The following PHF20 variants were observed in gnomAD, a reference collection of about 807,000 sequenced individuals.
The protein encoded by PHF20 is PHD finger protein 20.
PHF20 carries 23 observed loss-of-function variants against 113.5 expected under a neutral mutation model. The ratio of observed to expected loss-of-function variants is 0.20; its 90% CI spans 0.15 to 0.29. The LOEUF is 0.29. PHF20 is among the 10% of genes least tolerant of loss of function. The pLI is 1.00. For missense variants in PHF20, 943 were observed against 1,219.6 expected (o/e 0.77, Z 3.38); for synonymous variants, 434 against 457.3 (o/e 0.95, Z 0.65).
intron 2 of PHF20, among the ~76,000 whole-genome samples, chr20:35,804,178 A>C (rs1233947617): frequency 2.0e-5 from 3 of 149,466 alleles, no homozygotes; most frequent in Non-Finnish European, 4.4e-5. Context: ...GGGTTCAAGC[A>C]GTTCAGCCTC....
intron 6 of PHF20, among the ~76,000 whole-genome samples, chr20:35,868,821 T>C (rs1358025206): frequency 1.3e-5 from 2 of 152,182 alleles, no homozygotes; most frequent in South Asian, 2.1e-4. Flanking sequence ...CTGGGTCTCA[T>C]GGCTCATGCT....
rs748941374 is a variant in PHF20, at chr20:35,938,821, T to A, written c.2425T>A (p.Tyr809Asn). 3 of 1,614,050 alleles carry A rather than the reference T, an allele frequency of 1.9e-6. No homozygotes were observed. In the East Asian group the frequency reaches 6.7e-5, roughly 36 times the overall value. The part of the protein sequence containing the change: ...DTRSKEEAPS[Y>N]RTLNGAVEKP... Reference sequence around the variant, plus strand: ...CAGGAGCAAGGAGGAAGCTCCAAGCTATAGAACTTTGAACGGGGCAGTGGA... The same window carrying A: ...CAGGAGCAAGGAGGAAGCTCCAAGCAATAGAACTTTGAACGGGGCAGTGGA... The change falls in exon 16 of 18, where the codon TAT becomes AAT. Residue 809 changes from tyrosine to asparagine, a missense_variant. Around this residue, in one of 3 missense-constraint regions of PHF20, gnomAD observed 349 missense variants for 412.3 expected, o/e 0.85. Transcript: ENST00000374012.
intron 4 of PHF20, chr20:35,850,796 A>G: frequency 5.1e-6 from 4 of 791,844 alleles, no homozygotes; most frequent in South Asian, 1.4e-5. Flanking sequence ...TAGCTAATAC[A>G]GTATTACCAT....
intron 1 of PHF20, among the ~76,000 whole-genome samples, chr20:35,791,561 A>G (rs565793665): frequency 1.4e-5 from 2 of 144,454 alleles, no homozygotes; most frequent in Non-Finnish European, 3.0e-5. Flanking sequence ...ATATATATAT[A>G]TCTTAGAATT....
chr20:35,915,338 T>A (rs114891132), intron 12 of PHF20, among the ~76,000 whole-genome samples: 1,684 of 150,546 alleles, frequency 0.011, 23 homozygotes, highest in African/African-American at 0.038. Flanking sequence ...ATATATATAA[T>A]TTATATTTTA....
chr20:35,874,430 CTTCA>C (rs2054481178), intron 9 of PHF20, among the ~76,000 whole-genome samples: 1 of 152,030 alleles, frequency 6.6e-6, no homozygotes, highest in Admixed American at 6.6e-5. Context: ...GAAGAATTTC[CTTCA>C]GATTTTCTTA....
At chr20:35,901,600 A>G (rs752939913) in intron 10 of PHF20, among the ~76,000 whole-genome samples, 46 of 152,134 alleles carry the variant, frequency 3.0e-4, no homozygotes, top group South Asian at 8.3e-4. Context: ...CTCCAAATTA[A>G]TCTCCTTTTC....
chr20:35,947,151 C>T (rs914555175), intron 17 of PHF20, among the ~76,000 whole-genome samples: 1 of 152,202 alleles, frequency 6.6e-6, no homozygotes, highest in African/African-American at 2.4e-5. Flanking sequence ...TCCTCAGTTG[C>T]ATTAGCCATG....
At chr20:35,801,401 A>G (rs1049429217) in intron 1 of PHF20, 90 bp from the exon 2 acceptor site, 1 of 636,568 alleles carries the variant, frequency 1.6e-6, no homozygotes, top group Non-Finnish European at 2.8e-6. Context: ...TGTGTTTTGA[A>G]TAATGCCTGT....
At position 35,878,477 on chromosome 20, in the gene PHF20, C is replaced by T. The variant is rs570493595; in HGVS notation, c.1282+6648C>T. On this transcript the variant is annotated intron_variant, in intron 9 of 17. Transcript: ENST00000374012. Reference sequence around the variant, plus strand: ...ACTATGTCGACAAACACAGATGTTTCCCTTTCTGAATTCATATGATGAAGA... The same window carrying T: ...ACTATGTCGACAAACACAGATGTTTTCCTTTCTGAATTCATATGATGAAGA... The T allele has an allele frequency of 1.0e-5, 6 of 572,184 alleles. No individual in the cohort carries two copies. In the East Asian group the frequency reaches 1.2e-4, roughly 11 times the overall value. The allele number at this position is 572,184 out of a possible 1,614,324, so 35.4% of individuals were successfully genotyped here.
At chr20:35,837,220 C>T (rs2042458946) in intron 2 of PHF20, among the ~76,000 whole-genome samples, 1 of 151,962 alleles carries the variant, frequency 6.6e-6, no homozygotes, top group Non-Finnish European at 1.5e-5. Flanking sequence ...ACACAAAACC[C>T]CAAAAAGTAC....
chr20:35,796,129 C>T (rs1041652866), intron 1 of PHF20, among the ~76,000 whole-genome samples: 4 of 151,986 alleles, frequency 2.6e-5, no homozygotes, highest in Admixed American at 2.0e-4. Flanking sequence ...GGATTGCAGG[C>T]GTGAGCCACC....
At chr20:35,820,270 A>T (rs548826564) in intron 2 of PHF20, among the ~76,000 whole-genome samples, 1 of 152,310 alleles carries the variant, frequency 6.6e-6, no homozygotes, top group South Asian at 2.1e-4. Flanking sequence ...ATGACTTTTG[A>T]TGCCAAGTCA....
intron 9 of PHF20, among the ~76,000 whole-genome samples, chr20:35,888,364 A>G (rs1029018648): frequency 1.4e-4 from 22 of 152,194 alleles, no homozygotes; most frequent in African/African-American, 4.8e-4. Flanking sequence ...AGGAACAACA[A>G]GAGCAAAGGG....
chr20:35,829,689 T>C (rs185394358), intron 2 of PHF20, among the ~76,000 whole-genome samples: 1 of 151,352 alleles, frequency 6.6e-6, no homozygotes, highest in East Asian at 2.0e-4. Context: ...ATGTTGTTTA[T>C]GTTGGTCTCA....
chr20:35,909,742 A>T (rs1057372898), intron 10 of PHF20, among the ~76,000 whole-genome samples: 3 of 152,212 alleles, frequency 2.0e-5, no homozygotes, highest in Admixed American at 1.3e-4. Context: ...TAGCCAGTAG[A>T]TCAACTCTGC....
chr20:35,823,632 C>CAAAA (rs34177764), intron 2 of PHF20, among the ~76,000 whole-genome samples: 6 of 53,728 alleles, frequency 1.1e-4, no homozygotes, highest in African/African-American at 1.9e-4. Flanking sequence ...GACCCTGTCT[C>CAAAA]AAAAAAAAAA....
In PHF20 at chr20:35,893,197, A is replaced by G. The variant is rs1275536931; in HGVS notation, c.1283-6173A>G. Among the ~76,000 whole-genome samples the G allele has an allele frequency of 2.6e-5, 4 of 152,214 alleles. 1 individual carries two copies. The highest frequency in any genetic ancestry group is 7.2e-5 in the African/African-American group (3 of 41,526). The stretch of plus-strand genomic sequence containing the variant: ...TCAAGGATTTTGCTTTTGCAGGGGG[A>G]ATTTTTAACCTGTAAACTAAACTCG... On this transcript the variant is annotated intron_variant, in intron 9 of 17. Coordinates refer to ENST00000374012, the MANE Select transcript of PHF20 (RefSeq NM_016436.5).
At chr20:35,794,286 G>A (rs1373212555) in intron 1 of PHF20, among the ~76,000 whole-genome samples, 1 of 142,912 alleles carries the variant, frequency 7.0e-6, no homozygotes, top group Admixed American at 7.0e-5. Flanking sequence ...GGCAACAAGA[G>A]CAAAACTCTG....
Sources: allele counts gnomAD v4.1 joint callset (sites outside exome capture counted in the v4.1 genomes callset), GRCh38; gene constraint gnomAD v4.1.1; regional missense constraint gnomAD v4.1.1; transcripts MANE v1.5; gene names NCBI Gene and HGNC (gene_info 2026-07-23, HGNC 2026-07-21).